Variants in LUC7L2 observed in about 807,000 individuals in gnomAD.
LUC7L2 encodes the protein LUC7 like 2, pre-mRNA splicing factor, also known as putative RNA-binding protein Luc7-like 2.
A neutral mutation model predicts 52.8 loss-of-function variants in LUC7L2; 25 were observed. That is an observed-to-expected ratio of 0.47 (90% CI 0.34 to 0.66). The LOEUF (loss-of-function observed/expected upper bound fraction) is 0.66, where lower values mean the gene tolerates loss of function less well. LUC7L2 is among the 30% of genes least tolerant of loss of function. LUC7L2 has a pLI of 0.01. For missense variants in LUC7L2, 328 were observed against 497.8 expected (o/e 0.66, Z 3.25); for synonymous variants, 144 against 160.9 (o/e 0.89, Z 0.80).
intron 1 of LUC7L2, chr7:139,374,578 G>A (rs1483866240): frequency 5.2e-6 from 8 of 1,539,264 alleles, no homozygotes; most frequent in Admixed American, 2.0e-5. Flanking sequence ...AGTAGCAGGC[G>A]TAAACACTAA....
intron 1 of LUC7L2, among the ~76,000 whole-genome samples, chr7:139,368,983 T>G (rs1290877165): frequency 6.6e-6 from 1 of 152,198 alleles, no homozygotes; most frequent in Non-Finnish European, 1.5e-5. Flanking sequence ...CCCTTGATAT[T>G]TTCATCTTTT....
At chr7:139,363,282 C>G (rs1187996488) in intron 1 of LUC7L2, 2 of 971,984 alleles carry the variant, frequency 2.1e-6, no homozygotes, top group Non-Finnish European at 2.4e-6. Context: ...ATTGGTCACA[C>G]TATATAAAGT....
intron 2 of LUC7L2, among the ~76,000 whole-genome samples, chr7:139,382,038 C>T (rs113345698): frequency 0.11 from 16,505 of 151,860 alleles, 2,513 homozygotes; most frequent in African/African-American, 0.35. Flanking sequence ...GGTGCGCCAC[C>T]AGGCCTGGCT....
At chr7:139,355,291 C>T (rs1470222965), upstream of LUC7L2, among the ~76,000 whole-genome samples, 1 of 152,004 alleles carries the variant, frequency 6.6e-6, no homozygotes, top group Non-Finnish European at 1.5e-5. Context: ...AAATAAAAAT[C>T]CTCTCTGGAG....
chr7:139,340,570 A>G, intron 1 of LUC7L2: 1 of 397,974 alleles, frequency 2.5e-6, no homozygotes, highest in Non-Finnish European at 4.4e-6. Context: ...TACAACTCCC[A>G]GCATACGTCA....
At chr7:139,400,137 T>C (rs1794841605) in intron 3 of LUC7L2, among the ~76,000 whole-genome samples, 1 of 119,432 alleles carries the variant, frequency 8.4e-6, no homozygotes, top group African/African-American at 6.0e-5. Context: ...TTTTTGGCCT[T>C]GCGGGGGTAT....
At chr7:139,357,772 A>C (rs1350012558), upstream of LUC7L2, among the ~76,000 whole-genome samples, 2 of 151,624 alleles carry the variant, frequency 1.3e-5, no homozygotes, top group Non-Finnish European at 2.9e-5. Context: ...GCTCACTGCA[A>C]CCTCCGCCTC....
At chr7:139,341,320 C>G (rs1254625980) in intron 1 of LUC7L2, 1 of 1,551,640 alleles carries the variant, frequency 6.4e-7, no homozygotes. Context: ...GGCGCCTGGG[C>G]CGGAGGAGGG....
chr7:139,408,829 G>T (rs184463327), intron 6 of LUC7L2, among the ~76,000 whole-genome samples: 1 of 139,940 alleles, frequency 7.1e-6, no homozygotes, highest in Admixed American at 7.3e-5. Flanking sequence ...GCGACAGAGC[G>T]AGACTCTGTC....
At chr7:139,369,030 A>G (rs1474841033) in intron 1 of LUC7L2, among the ~76,000 whole-genome samples, 1 of 150,032 alleles carries the variant, frequency 6.7e-6, no homozygotes, top group African/African-American at 2.5e-5. Flanking sequence ...GGATTTGGGG[A>G]GGCTCTAGTT....
intron 1 of LUC7L2, among the ~76,000 whole-genome samples, chr7:139,340,830 A>G (rs1421435215): frequency 7.2e-6 from 1 of 139,342 alleles, no homozygotes; most frequent in African/African-American, 2.7e-5. Context: ...TGCCAACTTT[A>G]CTTTTTTTTT....
intron 9 of LUC7L2, among the ~76,000 whole-genome samples, chr7:139,419,864 C>G (rs1009539386): frequency 6.6e-6 from 1 of 152,154 alleles, no homozygotes; most frequent in Admixed American, 6.6e-5. Flanking sequence ...AAATTATTCT[C>G]TTTTAAAGCA....
chr7:139,378,574 C>CA (rs397756398), intron 2 of LUC7L2, among the ~76,000 whole-genome samples: 56,200 of 151,040 alleles, frequency 0.37, 14,186 homozygotes, highest in African/African-American at 0.72. Context: ...GACCCTGCCT[C>CA]AAAAAAAAGA....
intron 2 of LUC7L2, among the ~76,000 whole-genome samples, chr7:139,379,527 C>G (rs1174941269): frequency 9.7e-6 from 1 of 103,022 alleles, no homozygotes; most frequent in African/African-American, 3.7e-5. Context: ...TTTTACCTTT[C>G]ATTATTCTAG....
upstream of LUC7L2, among the ~76,000 whole-genome samples, chr7:139,357,674 A>C (rs748930505): frequency 4.6e-5 from 7 of 151,612 alleles, no homozygotes; most frequent in Non-Finnish European, 1.0e-4. Context: ...TGTATTACTA[A>C]AGATAACTTG....
intron 5 of LUC7L2, among the ~76,000 whole-genome samples, chr7:139,406,412 G>A (rs1795116584): frequency 6.7e-6 from 1 of 150,304 alleles, no homozygotes; most frequent in African/African-American, 2.5e-5. Flanking sequence ...GAGTGTAGTG[G>A]TGCGATCTCA....
At chr7:139,378,436 A>C (rs991621610) in intron 2 of LUC7L2, among the ~76,000 whole-genome samples, 1 of 152,054 alleles carries the variant, frequency 6.6e-6, no homozygotes, top group African/African-American at 2.4e-5. Flanking sequence ...TTAGCCTGGC[A>C]TGGTGGTATT....
At chr7:139,389,171 CT>C in intron 2 of LUC7L2, among the ~76,000 whole-genome samples, 1 of 151,582 alleles carries the variant, frequency 6.6e-6, no homozygotes, top group Middle Eastern at 3.4e-3. Flanking sequence ...TTTTCTTGCC[CT>C]TTGTCTCTTT....
At chr7:139,400,222 A>ACTTTGGGAGG (rs1569386986) in intron 3 of LUC7L2, among the ~76,000 whole-genome samples, 8 of 152,042 alleles carry the variant, frequency 5.3e-5, no homozygotes, top group African/African-American at 1.9e-4. Context: ...TAATCCCAGC[A>ACTTTGGGAGG]CTGTAATCCC....
Sources: gnomAD v4.1 joint callset for allele counts (sites outside exome capture counted in the v4.1 genomes callset) on GRCh38, gnomAD v4.1.1 for gene constraint, MANE v1.5 for transcripts, NCBI Gene and HGNC (gene_info 2026-07-23, HGNC 2026-07-21) for gene names.